The following LDLRAD4 variants were observed in gnomAD, a reference collection of about 807,000 sequenced individuals.
LDLRAD4 encodes the protein low density lipoprotein receptor class A domain containing 4, also known as low-density lipoprotein receptor class A domain-containing protein 4.
In LDLRAD4, 5 loss-of-function variants were observed where a neutral mutation model predicts 17.0. The ratio of observed to expected loss-of-function variants is 0.29; its 90% CI spans 0.15 to 0.62. The LOEUF is 0.62. Ranked by LOEUF, LDLRAD4 falls within the 20% of genes least tolerant of loss-of-function variation. The pLI, the probability that LDLRAD4 is intolerant of heterozygous loss-of-function variation, is 0.84. For synonymous variants in LDLRAD4, 168 were observed against 171.8 expected (o/e 0.98, Z 0.17); for missense variants, 340 against 424.7 (o/e 0.80, Z 1.75).
At chr18:13,252,749 T>C (rs966677144) in intron 1 of LDLRAD4, among the ~76,000 whole-genome samples, 10 of 152,164 alleles carry the variant, frequency 6.6e-5, no homozygotes, top group Non-Finnish European at 1.3e-4. Context: ...AAGGCCTCAT[T>C]TCATGTGACA....
chr18:13,590,247 G>A (rs1041835271), intron 3 of LDLRAD4, among the ~76,000 whole-genome samples: 14 of 151,648 alleles, frequency 9.2e-5, no homozygotes, highest in African/African-American at 3.4e-4. Context: ...GTGCATGTGA[G>A]GGGGATAGGT....
Position 13,645,107 on chromosome 18 carries a change from C to T in LDLRAD4, c.391-20C>T, listed in dbSNP as rs749843452. On this transcript the variant is annotated intron_variant, in intron 5 of 5. Coordinates refer to ENST00000359446, the Ensembl canonical transcript of LDLRAD4. The surrounding 1 kb of genome is among the most constrained non-coding windows in gnomAD (Gnocchi z 5.7). ...CATTGCGCTCAAACTGTCTTCAAGC[C>T]TCTCCTCTTTTCCTTCCAGATCATG... 4 of 1,585,004 alleles carry T rather than the reference C, an allele frequency of 2.5e-6. No homozygotes were observed. The highest frequency in any genetic ancestry group is 1.3e-5 in the African/African-American group (1 of 74,334).
intron 1 of LDLRAD4, among the ~76,000 whole-genome samples, chr18:13,373,373 T>A (rs934594799): frequency 6.6e-6 from 1 of 152,222 alleles, no homozygotes; most frequent in Non-Finnish European, 1.5e-5. Context: ...TTCAGTGGAA[T>A]GAAAATGTGC....
chr18:13,409,684 G>A lies in LDLRAD4; in HGVS notation c.40+21922G>A, dbSNP rs544755084. On this transcript the variant is annotated intron_variant, in intron 2 of 5. Coordinates refer to ENST00000359446, the Ensembl canonical transcript of LDLRAD4. ...AGATTAGGGACAGCTTGGGCCATTC[G>A]CAAGCTGGAGGAGAAGAGTTTCAGA... 1.4e-4 allele frequency among the ~76,000 whole-genome samples: 22 copies of A among 152,274 alleles called. No homozygotes were observed. In the South Asian group the frequency reaches 1.5e-3, roughly 10 times the overall value.
intron 3 of LDLRAD4, among the ~76,000 whole-genome samples, chr18:13,499,195 C>T (rs530668158): frequency 3.3e-5 from 5 of 151,132 alleles, no homozygotes; most frequent in African/African-American, 1.2e-4. Context: ...TCTACTCACA[C>T]ACATCCCGCT....
intron 2 of LDLRAD4, among the ~76,000 whole-genome samples, chr18:13,407,741 C>A (rs923634520): frequency 2.0e-5 from 3 of 152,226 alleles, no homozygotes; most frequent in African/African-American, 7.2e-5. Flanking sequence ...GCAGTGGAAC[C>A]ACCTGTCTGC....
Position 13,225,660 on chromosome 18 carries a change from T to G in LDLRAD4, c.-467+6672T>G, listed in dbSNP as rs532994330. 5.9e-5 allele frequency among the ~76,000 whole-genome samples: 9 copies of G among 152,310 alleles called. No homozygotes were observed. The South Asian group carries it at 8.3e-4, about 14-fold the overall frequency. The stretch of plus-strand genomic sequence containing the variant: ...TAACGTTTTCTTTTCCTGATACATG[T>G]GTACTGAAGAGAATTAGGAAATAGG... On this transcript the variant is annotated intron_variant, in intron 1 of 5. Transcript: ENST00000399848.
chr18:13,645,674 C>T lies in LDLRAD4; in HGVS notation c.*17C>T. ...CTGGTCTGATTCCTTCCAACGTGCA[C>T]TTCAGCTGGAGAAAGAAACCAAGAA... On this transcript the variant is annotated 3_prime_UTR_variant, in exon 6 of 6. Coordinates refer to ENST00000359446, the Ensembl canonical transcript of LDLRAD4. This position sits in a 1 kb window ranked among gnomAD's most constrained non-coding sequence, Gnocchi z 5.7. 6.7e-7 allele frequency: 1 copy of T among 1,498,754 alleles called. No homozygotes were observed. Among genetic ancestry groups the T allele is most frequent in the Non-Finnish European group, 8.9e-7 (1 of 1,124,884 alleles). 92.8% of individuals were successfully genotyped at this position (1,498,754 alleles called of 1,614,324 possible).
chr18:13,556,589 A>C (rs2094486343), intron 3 of LDLRAD4, among the ~76,000 whole-genome samples: 1 of 152,214 alleles, frequency 6.6e-6, no homozygotes, highest in South Asian at 2.1e-4. Flanking sequence ...TGCCTTAGAG[A>C]ACAAGGAAAG....
chr18:13,544,036 T>C (rs1420249011), intron 3 of LDLRAD4, among the ~76,000 whole-genome samples: 1 of 152,270 alleles, frequency 6.6e-6, no homozygotes, highest in African/African-American at 2.4e-5. Flanking sequence ...GCACACAGTG[T>C]GCACACAGGG....
intron 1 of LDLRAD4, chr18:13,240,881 T>C (rs574769036): frequency 5.9e-5 from 9 of 152,216 alleles, no homozygotes; most frequent in African/African-American, 1.9e-4. Flanking sequence ...GATTTTTGCC[T>C]GAGAGAGAAT....
At chr18:13,251,897 G>C (rs117196338) in intron 1 of LDLRAD4, among the ~76,000 whole-genome samples, 1 of 152,196 alleles carries the variant, frequency 6.6e-6, no homozygotes, top group African/African-American at 2.4e-5. Context: ...GCCCATTATT[G>C]AGGAGGCTAT....
At chr18:13,629,273 A>C (rs1371282723) in intron 4 of LDLRAD4, among the ~76,000 whole-genome samples, 2 of 152,222 alleles carry the variant, frequency 1.3e-5, no homozygotes, top group Non-Finnish European at 2.9e-5. Flanking sequence ...GCCAAAATCC[A>C]TTTAGAGTTA....
rs527874204 is a variant in LDLRAD4 at position 13,440,287 on chromosome 18, C to T, written c.181+1903C>T. Among the ~76,000 whole-genome samples, 1 of 152,256 alleles carries T rather than the reference C, an allele frequency of 6.6e-6. No individual in the cohort carries two copies. Among genetic ancestry groups the T allele is most frequent in the East Asian group, 1.9e-4 (1 of 5,182 alleles). Reference sequence around the variant, plus strand: ...TCCTACCCTTCCCTCCTCCCTCGCTCCCTTTCTTGTCAGTATTCTTTCCGG... The same window carrying T: ...TCCTACCCTTCCCTCCTCCCTCGCTTCCTTTCTTGTCAGTATTCTTTCCGG... On this transcript the variant is annotated intron_variant, in intron 3 of 5. Transcript: ENST00000359446. This position sits in a 1 kb window ranked among gnomAD's most constrained non-coding sequence, Gnocchi z 4.4.
At chr18:13,473,507 T>C (rs907110715) in intron 3 of LDLRAD4, among the ~76,000 whole-genome samples, 6 of 151,532 alleles carry the variant, frequency 4.0e-5, no homozygotes, top group African/African-American at 1.2e-4. Context: ...GGTGTAGTGA[T>C]GCATCTGCAG....
intron 1 of LDLRAD4, among the ~76,000 whole-genome samples, chr18:13,371,007 C>T (rs1402934475): frequency 6.6e-6 from 1 of 152,166 alleles, no homozygotes; most frequent in Non-Finnish European, 1.5e-5. Flanking sequence ...CCACACCCGG[C>T]CCCCTTCATG....
chr18:13,394,675 C>T (rs1235173018), intron 2 of LDLRAD4, among the ~76,000 whole-genome samples: 1 of 152,292 alleles, frequency 6.6e-6, no homozygotes, highest in Admixed American at 6.5e-5. Flanking sequence ...GGGCTGATAG[C>T]ACAGCCAAGA....
At chr18:13,253,507 G>A (rs150039423) in intron 1 of LDLRAD4, among the ~76,000 whole-genome samples, 88 of 152,282 alleles carry the variant, frequency 5.8e-4, no homozygotes, top group African/African-American at 2.0e-3. Flanking sequence ...AGAGCTCTCA[G>A]GCTGATTTAG....
chr18:13,387,367 C>G, exon 2 of LDLRAD4: 1 of 220,858 alleles, frequency 4.5e-6, no homozygotes. Flanking sequence ...CAGAGAGCTG[C>G]GGCTGGGACA....
Sources: allele counts gnomAD v4.1 joint callset (sites outside exome capture counted in the v4.1 genomes callset), GRCh38; gene constraint gnomAD v4.1.1; non-coding constraint Gnocchi (gnomAD v3.1); transcripts MANE v1.5; gene names NCBI Gene and HGNC (gene_info 2026-07-23, HGNC 2026-07-21).